MPP7: variants seen among roughly 807,000 people sequenced by gnomAD.
The protein encoded by MPP7 is MAGUK p55 scaffold protein 7, also known as MAGUK p55 subfamily member 7.
Under a neutral mutation model 76.5 loss-of-function variants are expected in MPP7, and 60 were observed. The ratio of observed to expected loss-of-function variants is 0.78; its 90% CI spans 0.64 to 0.97. The LOEUF (loss-of-function observed/expected upper bound fraction) is 0.97, where lower values mean the gene tolerates loss of function less well. Among genes scored for constraint, MPP7 ranks in the 50% least tolerant of loss-of-function variants. The pLI is 0.00. For missense variants in MPP7, 641 were observed against 694.0 expected (o/e 0.92, Z 0.86); for synonymous variants, 237 against 244.5 (o/e 0.97, Z 0.29).
intron 1 of MPP7, among the ~76,000 whole-genome samples, chr10:28,278,994 T>C (rs1186024226): frequency 6.6e-6 from 1 of 152,068 alleles, no homozygotes; most frequent in African/African-American, 2.4e-5. Flanking sequence ...TCTGACATAT[T>C]CTGCCTGAAT....
At chr10:28,131,998 T>TA (rs1332340464) in intron 5 of MPP7, among the ~76,000 whole-genome samples, 1 of 152,120 alleles carries the variant, frequency 6.6e-6, no homozygotes, top group African/African-American at 2.4e-5. Context: ...GGTTTATCCT[T>TA]AAAAAGGTAG....
intron 1 of MPP7, among the ~76,000 whole-genome samples, chr10:28,250,013 C>CAA (rs34565971): frequency 4.1e-5 from 6 of 145,382 alleles, no homozygotes; most frequent in African/African-American, 5.0e-5. Context: ...TTGAAAGTCT[C>CAA]AAAAAAAAAA....
chr10:28,113,340 C>T (rs1834563223), intron 11 of MPP7, among the ~76,000 whole-genome samples: 1 of 152,138 alleles, frequency 6.6e-6, no homozygotes, highest in Non-Finnish European at 1.5e-5. Flanking sequence ...TACTGCTCTC[C>T]TCTCTGGGAT....
intron 1 of MPP7, among the ~76,000 whole-genome samples, chr10:28,244,846 C>T (rs188321577): frequency 2.6e-5 from 4 of 152,210 alleles, no homozygotes; most frequent in Admixed American, 6.5e-5. Context: ...GGCACACAAC[C>T]GCCCCTTCTC....
intron 2 of MPP7, among the ~76,000 whole-genome samples, chr10:28,208,028 C>G (rs1025660469): frequency 1.3e-5 from 2 of 152,110 alleles, no homozygotes; most frequent in African/African-American, 2.4e-5. Context: ...ATAACAGGGG[C>G]TTATCTGTAA....
chr10:28,248,981 G>T (rs1839525527), intron 1 of MPP7, among the ~76,000 whole-genome samples: 1 of 152,122 alleles, frequency 6.6e-6, no homozygotes, highest in African/African-American at 2.4e-5. Flanking sequence ...TGAGAGGGCA[G>T]GGAGTTTGGT....
chr10:28,180,796 G>C (rs1837034295), intron 3 of MPP7, among the ~76,000 whole-genome samples: 1 of 152,216 alleles, frequency 6.6e-6, no homozygotes, highest in African/African-American at 2.4e-5. Flanking sequence ...AGCAATGGGG[G>C]CTGGAGGGTA....
intron 3 of MPP7, among the ~76,000 whole-genome samples, chr10:28,192,097 A>G (rs1837430967): frequency 6.6e-6 from 1 of 152,158 alleles, no homozygotes; most frequent in African/African-American, 2.4e-5. Flanking sequence ...AAAAAAAAAA[A>G]AATCAGTACC....
intron 12 of MPP7, among the ~76,000 whole-genome samples, chr10:28,076,987 G>A (rs1040600674): frequency 6.6e-6 from 1 of 151,430 alleles, no homozygotes; most frequent in Non-Finnish European, 1.5e-5. Flanking sequence ...TTCCTTAGAA[G>A]GTCTCAGCTC....
chr10:28,125,067 G>A lies in MPP7; in HGVS notation c.472C>T (p.Gln158Ter). Residue 158 changes from glutamine (Q) to a stop codon, truncating the protein, a stop_gained, in exon 7 of 17, where the codon CAG (glutamine) becomes TAG (stop). Transcript: ENST00000683449. LOFTEE classifies it high-confidence loss of function. ...CTGGCCACAATGATCGCCCCGGTCT[G>A]TTCATCCTTCTTAATGGTAGCTCCC... ...PLGATIKKDE[Q>*]TGAIIVARIM... 6.2e-7 allele frequency: 1 copy of A among 1,613,998 alleles called. No homozygotes were observed.
chr10:28,074,234 T>G (rs1852376952), intron 12 of MPP7, among the ~76,000 whole-genome samples: 2 of 152,120 alleles, frequency 1.3e-5, no homozygotes, highest in African/African-American at 4.8e-5. Flanking sequence ...ATGGAAATGT[T>G]TTCAAAGTCC....
chr10:28,238,478 G>T (rs1839152997), intron 2 of MPP7, 90 bp downstream of exon 2: 1 of 1,341,442 alleles, frequency 7.5e-7, no homozygotes, highest in Admixed American at 1.7e-5. Context: ...AGCATGATCT[G>T]CCTGCATTTG....
intron 11 of MPP7, among the ~76,000 whole-genome samples, chr10:28,100,880 C>T (rs1853790447): frequency 6.6e-6 from 1 of 152,048 alleles, no homozygotes; most frequent in African/African-American, 2.4e-5. Flanking sequence ...CACAGAACAT[C>T]ACCATAAAAA....
intron 12 of MPP7, among the ~76,000 whole-genome samples, chr10:28,077,518 C>T (rs953965592): frequency 6.6e-6 from 1 of 152,162 alleles, no homozygotes. Flanking sequence ...TAAAAGACCA[C>T]AGCTCAGATG....
Position 28,125,082 on chromosome 10 carries a change from T to C in MPP7, c.457A>G (p.Ile153Val), listed in dbSNP as rs750526506. The C allele has an allele frequency of 6.2e-7, 1 of 1,613,922 alleles. No individual in the cohort carries two copies. The highest frequency in any genetic ancestry group is 1.1e-5 in the South Asian group (1 of 91,080). ...VKNREPLGAT[I>V]KKDEQTGAII... is the part of the protein sequence containing the mutation. Reference sequence around the variant, plus strand: ...GCCCCGGTCTGTTCATCCTTCTTAATGGTAGCTCCCTTTTAAGACAAAAAC... The same window carrying C: ...GCCCCGGTCTGTTCATCCTTCTTAACGGTAGCTCCCTTTTAAGACAAAAAC... Residue 153 changes from isoleucine to valine, a missense_variant, in exon 7 of 17, where the codon ATT becomes GTT. Physicochemically the swap from Ile to Val is conservative, Grantham distance 29. Transcript: ENST00000683449.
intron 6 of MPP7, among the ~76,000 whole-genome samples, chr10:28,128,057 G>A (rs1588818873): frequency 6.6e-6 from 1 of 152,154 alleles, no homozygotes; most frequent in African/African-American, 2.4e-5. Context: ...AAAGGCAGAA[G>A]GGAGTCAGCT....
At chr10:28,291,779 T>C (rs1295450979) in intron 1 of MPP7, among the ~76,000 whole-genome samples, 1 of 152,244 alleles carries the variant, frequency 6.6e-6, no homozygotes, top group Non-Finnish European at 1.5e-5. Context: ...GCTGTGTTAT[T>C]ACAAAAGAGT....
At chr10:28,244,797 A>G (rs1839379396) in intron 1 of MPP7, among the ~76,000 whole-genome samples, 1 of 152,142 alleles carries the variant, frequency 6.6e-6, no homozygotes, top group Admixed American at 6.6e-5. Context: ...AGTATTAACC[A>G]CAAGACCCTT....
chr10:28,116,556 T>TACTAATATA (rs1315176814), intron 11 of MPP7, among the ~76,000 whole-genome samples: 1 of 152,102 alleles, frequency 6.6e-6, no homozygotes, highest in African/African-American at 2.4e-5. Flanking sequence ...CTCTCTGCAT[T>TACTAATATA]ACTAATATAA....
Sources: allele counts gnomAD v4.1 joint callset (sites outside exome capture counted in the v4.1 genomes callset), GRCh38; gene constraint gnomAD v4.1.1; transcripts MANE v1.5; gene names NCBI Gene and HGNC (gene_info 2026-07-23, HGNC 2026-07-21).